The following NPAS3 variants were observed in gnomAD, a reference collection of about 807,000 sequenced individuals.
NPAS3 encodes the protein neuronal PAS domain protein 3.
Under a neutral mutation model 73.1 loss-of-function variants are expected in NPAS3, and 14 were observed. The observed-to-expected ratio is 0.19, with a 90% CI of 0.13 to 0.30. The LOEUF (loss-of-function observed/expected upper bound fraction) is 0.30, where lower values mean the gene tolerates loss of function less well. NPAS3 is among the 10% of genes least tolerant of loss of function. The pLI is 1.00. For missense variants in NPAS3, 1,096 were observed against 1,250.0 expected (o/e 0.88, Z 1.86); for synonymous variants, 620 against 541.5 (o/e 1.14, Z -2.01).
At chr14:33,740,700 T>C (rs1192417533) in intron 7 of NPAS3, among the ~76,000 whole-genome samples, 1 of 152,226 alleles carries the variant, frequency 6.6e-6, no homozygotes, top group Non-Finnish European at 1.5e-5. Context: ...GTCCATAGTG[T>C]TCCTTTTAGC....
At chr14:33,037,023 A>G (rs1178072582) in intron 1 of NPAS3, among the ~76,000 whole-genome samples, 4 of 152,136 alleles carry the variant, frequency 2.6e-5, no homozygotes, top group Non-Finnish European at 5.9e-5. Flanking sequence ...TTTTGTTTGG[A>G]AATTGAACCA....
chr14:33,741,979 G>C (rs2140693194), intron 7 of NPAS3, among the ~76,000 whole-genome samples: 1 of 152,044 alleles, frequency 6.6e-6, no homozygotes. Flanking sequence ...ACATAAAAAA[G>C]TAACAAACTT....
intron 2 of NPAS3, among the ~76,000 whole-genome samples, chr14:33,074,056 T>C (rs1037035743): frequency 1.3e-5 from 2 of 152,182 alleles, no homozygotes; most frequent in Non-Finnish European, 2.9e-5. Flanking sequence ...CTGGCTGTGG[T>C]TTATGTGATT....
At chr14:33,465,403 G>A (rs1001340938) in intron 4 of NPAS3, among the ~76,000 whole-genome samples, 24 of 152,082 alleles carry the variant, frequency 1.6e-4, no homozygotes, top group African/African-American at 5.8e-4. Flanking sequence ...TCTTTAAGCA[G>A]TTCACAGTAA....
At chr14:33,038,121 G>T (rs1051845139) in intron 1 of NPAS3, among the ~76,000 whole-genome samples, 6 of 152,208 alleles carry the variant, frequency 3.9e-5, no homozygotes, top group African/African-American at 1.4e-4. Flanking sequence ...AGGATAAAAA[G>T]AAAATGTGCT....
intron 4 of NPAS3, among the ~76,000 whole-genome samples, chr14:33,463,753 A>T (rs1460411240): frequency 1.3e-5 from 2 of 152,224 alleles, no homozygotes; most frequent in East Asian, 3.8e-4. Context: ...CACCAAATTA[A>T]GACATCACAG....
chr14:33,419,084 T>G (rs1282351483), intron 4 of NPAS3, among the ~76,000 whole-genome samples: 1 of 151,968 alleles, frequency 6.6e-6, no homozygotes, highest in Non-Finnish European at 1.5e-5. Flanking sequence ...ACATTGTGCA[T>G]TATAGGAAAT....
At chr14:32,934,827 G>C (rs1595034697), upstream of NPAS3, 4 of 399,076 alleles carry the variant, frequency 1.0e-5, no homozygotes, top group South Asian at 2.8e-4. This position sits in a 1 kb window ranked among gnomAD's most constrained non-coding sequence, Gnocchi z 4.1. Context: ...CGCCGCGCCC[G>C]GGGGCCGAAG....
intron 4 of NPAS3, among the ~76,000 whole-genome samples, chr14:33,444,456 A>G (rs2049394078): frequency 6.6e-6 from 1 of 152,234 alleles, no homozygotes; most frequent in South Asian, 2.1e-4. Flanking sequence ...GTTGAGGTAG[A>G]AGAGTTAGTT....
chr14:33,648,038 C>T (rs1252574627), intron 5 of NPAS3, among the ~76,000 whole-genome samples: 1 of 152,160 alleles, frequency 6.6e-6, no homozygotes, highest in Non-Finnish European at 1.5e-5. Context: ...CCCTGCTACC[C>T]TTTCTTCTCT....
chr14:33,228,103 A>G (rs1352119515), intron 3 of NPAS3, among the ~76,000 whole-genome samples: 1 of 152,198 alleles, frequency 6.6e-6, no homozygotes, highest in Non-Finnish European at 1.5e-5. Flanking sequence ...TCAAAGGTAT[A>G]TTAGGATTCC....
chr14:33,019,961 C>T (rs1199107965), intron 1 of NPAS3, among the ~76,000 whole-genome samples: 5 of 152,106 alleles, frequency 3.3e-5, no homozygotes, highest in South Asian at 2.1e-4. Context: ...CTTTTCCATC[C>T]GATTACAAAC....
rs564201511 is a variant in NPAS3 at position 33,153,041 on chromosome 14, T to G, written c.141-62141T>G. Among the ~76,000 whole-genome samples the G allele has an allele frequency of 3.3e-5, 5 of 152,274 alleles. No homozygotes were observed. In the East Asian group the frequency reaches 5.8e-4, roughly 18 times the overall value. ...TCTCTTAGACTGGTTTTCTCTCATT[T>G]TTGTTGTTTTTAGTTTTTAAAACCT... On this transcript the variant is annotated intron_variant, in intron 2 of 11. Coordinates refer to ENST00000356141, the Ensembl canonical transcript of NPAS3.
intron 7 of NPAS3, among the ~76,000 whole-genome samples, chr14:33,739,124 G>A (rs553179811): frequency 1.1e-3 from 167 of 152,286 alleles, no homozygotes; most frequent in Non-Finnish European, 1.8e-3. Context: ...GTAGGCAAAC[G>A]GAGAAAAGCT....
intron 2 of NPAS3, 36 bp downstream of exon 2, chr14:33,056,030 C>T (rs1462114673): frequency 5.0e-6 from 4 of 792,874 alleles, no homozygotes; most frequent in East Asian, 2.7e-5. Context: ...CCTTCTGGCT[C>T]GTACATCAGT....
At chr14:33,569,782 A>G (rs1383176207) in intron 5 of NPAS3, among the ~76,000 whole-genome samples, 1 of 152,122 alleles carries the variant, frequency 6.6e-6, no homozygotes, top group East Asian at 1.9e-4. Flanking sequence ...AAAGTCCCTA[A>G]TTGTTAAACT....
At chr14:33,039,067 A>G (rs1162246053) in intron 1 of NPAS3, among the ~76,000 whole-genome samples, 4 of 152,184 alleles carry the variant, frequency 2.6e-5, no homozygotes, top group Non-Finnish European at 1.5e-5. Context: ...AGATTTACCC[A>G]TGAAGCCACG....
At chr14:33,347,629 G>A (rs917456521) in intron 3 of NPAS3, among the ~76,000 whole-genome samples, 3 of 152,172 alleles carry the variant, frequency 2.0e-5, no homozygotes, top group South Asian at 2.1e-4. Context: ...TGGTATCCAT[G>A]GGGAATTGGT....
intron 3 of NPAS3, among the ~76,000 whole-genome samples, chr14:33,303,287 G>A (rs544436423): frequency 7.2e-5 from 11 of 152,054 alleles, no homozygotes; most frequent in African/African-American, 2.7e-4. Flanking sequence ...TAAAAGGACA[G>A]CCAATTATAG....
Sources: allele counts gnomAD v4.1 joint callset (sites outside exome capture counted in the v4.1 genomes callset), GRCh38; gene constraint gnomAD v4.1.1; non-coding constraint Gnocchi (gnomAD v3.1); transcripts MANE v1.5; gene names NCBI Gene and HGNC (gene_info 2026-07-23, HGNC 2026-07-21).